Variants in RTN1 observed in about 807,000 individuals in gnomAD.
The protein encoded by RTN1 is reticulon-1.
A neutral mutation model predicts 65.5 loss-of-function variants in RTN1; 25 were observed. That is an observed-to-expected ratio of 0.38 (90% confidence interval 0.28 to 0.53). RTN1 has a LOEUF of 0.53. RTN1 is among the 20% of genes least tolerant of loss of function. RTN1 has a pLI of 0.79. For missense variants in RTN1, 983 were observed against 1,025.4 expected, an observed-to-expected ratio of 0.96 and a Z score of 0.57; for synonymous variants, 471 against 447.6, an observed-to-expected ratio of 1.05 and a Z score of -0.66.
intron 1 of RTN1, among the ~76,000 whole-genome samples, chr14:59,847,100 C>A (rs1281159990): frequency 6.6e-6 from 1 of 152,318 alleles, no homozygotes; most frequent in Admixed American, 6.5e-5. Flanking sequence ...CTTCCAGAAC[C>A]TTTTCCAGTA....
chr14:59,630,715 C>G (rs1432925495), intron 3 of RTN1: 2 of 1,128,450 alleles, frequency 1.8e-6, no homozygotes, highest in African/African-American at 1.6e-5. Flanking sequence ...GGCGCGGCCC[C>G]GGAGCCGCCT....
intron 1 of RTN1, among the ~76,000 whole-genome samples, chr14:59,754,938 G>A (rs1473751740): frequency 6.6e-6 from 1 of 152,096 alleles, no homozygotes; most frequent in African/African-American, 2.4e-5. Flanking sequence ...AATGGACATA[G>A]ATCCTGTCAT....
At chr14:59,756,927 G>A (rs963659795) in intron 1 of RTN1, among the ~76,000 whole-genome samples, 3 of 151,128 alleles carry the variant, frequency 2.0e-5, no homozygotes, top group Non-Finnish European at 1.5e-5. Context: ...GGGTTCAAGC[G>A]ATTCTCCTGC....
chr14:59,660,172 T>C (rs753205495), intron 3 of RTN1, among the ~76,000 whole-genome samples: 8 of 152,158 alleles, frequency 5.3e-5, no homozygotes, highest in Admixed American at 2.0e-4. Flanking sequence ...AATGGATCAA[T>C]GCAACAAGAA....
intron 1 of RTN1, among the ~76,000 whole-genome samples, chr14:59,819,443 C>T (rs866475558): frequency 1.9e-5 from 1 of 51,736 alleles, no homozygotes; most frequent in African/African-American, 8.1e-5. Context: ...CCCCCCCCCC[C>T]CGGCCACAGC....
intron 3 of RTN1, among the ~76,000 whole-genome samples, chr14:59,660,411 C>G (rs1466298804): frequency 6.6e-6 from 1 of 152,166 alleles, no homozygotes; most frequent in East Asian, 1.9e-4. Context: ...CTACAGAACT[C>G]TCCACCCCAA....
chr14:59,664,319 T>G, intron 3 of RTN1, among the ~76,000 whole-genome samples: 2 of 151,590 alleles, frequency 1.3e-5, no homozygotes, highest in African/African-American at 2.4e-5. Context: ...GCCTGTCAGG[T>G]GGTGGGGGGA....
At chr14:59,809,747 G>A (rs1054448011) in intron 1 of RTN1, among the ~76,000 whole-genome samples, 4 of 152,102 alleles carry the variant, frequency 2.6e-5, no homozygotes, top group African/African-American at 9.7e-5. Context: ...GGGCCCACAC[G>A]TGCAAAGCAG....
intron 1 of RTN1, among the ~76,000 whole-genome samples, chr14:59,837,433 C>A (rs997733393): frequency 2.6e-5 from 4 of 151,772 alleles, no homozygotes; most frequent in Admixed American, 1.3e-4. Context: ...GAAAGGAAAT[C>A]AATAATACAT....
At chr14:59,749,169 T>C (rs1354147836) in intron 1 of RTN1, among the ~76,000 whole-genome samples, 1 of 105,472 alleles carries the variant, frequency 9.5e-6, no homozygotes, top group Admixed American at 1.1e-4. Flanking sequence ...TCTATCTATA[T>C]ATCTATCTAT....
intron 1 of RTN1, among the ~76,000 whole-genome samples, chr14:59,750,035 ATATAT>A (rs1330898286): frequency 6.1e-5 from 2 of 32,882 alleles, no homozygotes; most frequent in South Asian, 1.0e-3. Flanking sequence ...TATTATATAC[ATATAT>A]TATATATTAT....
intron 1 of RTN1, among the ~76,000 whole-genome samples, chr14:59,856,151 GTCT>G (rs780258036): frequency 1.6e-4 from 24 of 152,064 alleles, no homozygotes; most frequent in Non-Finnish European, 3.2e-4. Context: ...TAGTAAGACT[GTCT>G]TCTTCTCTTC....
chr14:59,616,762 C>T (rs553202485), intron 3 of RTN1, among the ~76,000 whole-genome samples: 7 of 152,250 alleles, frequency 4.6e-5, no homozygotes, highest in South Asian at 2.1e-4. Context: ...ATCAGATATA[C>T]GACTCTTAAG....
chr14:59,677,258 A>G (rs920099074), intron 3 of RTN1, among the ~76,000 whole-genome samples: 4 of 152,352 alleles, frequency 2.6e-5, no homozygotes, highest in Admixed American at 1.3e-4. Context: ...TTAAAAAGCA[A>G]CGTGAGTTTT....
intron 1 of RTN1, among the ~76,000 whole-genome samples, chr14:59,806,019 C>T (rs1270135666): frequency 7.3e-5 from 11 of 151,480 alleles, no homozygotes; most frequent in African/African-American, 2.2e-4. Context: ...GGGCGGATCA[C>T]GAGCTCAAGA....
intron 1 of RTN1, among the ~76,000 whole-genome samples, chr14:59,815,621 A>G (rs762347876): frequency 1.3e-5 from 2 of 152,138 alleles, no homozygotes; most frequent in Non-Finnish European, 2.9e-5. Flanking sequence ...ACTTCTGCAG[A>G]AGGTCTCCAT....
rs772445597 is a variant in RTN1, at chr14:59,603,859, C to T, written c.2175G>A (p.Leu725=). The T allele has an allele frequency of 8.7e-6, 14 of 1,611,044 alleles. No individual in the cohort carries two copies. The African/African-American group carries it at 1.7e-4, about 20-fold the overall frequency. The change falls in exon 6 of 9, where the codon CTG becomes CTA. Residue 725 remains leucine (L), a synonymous_variant. Transcript: ENST00000267484. ...AGTCTTATCTGCTCTTACCCATGAG[C>T]AGCAGGGTCAGGCCATTGAAGAGAG... ...VGALFNGLTL[L]LMAVVSMFTL...
intron 1 of RTN1, among the ~76,000 whole-genome samples, chr14:59,749,702 T>C (rs1170186347): frequency 1.1e-5 from 1 of 91,268 alleles, no homozygotes; most frequent in African/African-American, 5.1e-5. Flanking sequence ...TATATATCTA[T>C]ATATATCTAT....
At chr14:59,608,915 T>TAA (rs138360256) in intron 3 of RTN1, among the ~76,000 whole-genome samples, 2 of 150,826 alleles carry the variant, frequency 1.3e-5, no homozygotes, top group African/African-American at 4.9e-5. Context: ...AAATAAAAAA[T>TAA]AAAAAAAAAG....
Sources: allele counts gnomAD v4.1 joint callset (sites outside exome capture counted in the v4.1 genomes callset), GRCh38; gene constraint gnomAD v4.1.1; transcripts MANE v1.5; gene names NCBI Gene and HGNC (gene_info 2026-07-23, HGNC 2026-07-21).